Variants in HYDIN observed in about 807,000 individuals in gnomAD.
HYDIN encodes the protein HYDIN axonemal central pair apparatus protein.
A neutral mutation model predicts 403.9 loss-of-function variants in HYDIN; 132 were observed. The ratio of observed to expected loss-of-function variants is 0.33; its 90% CI spans 0.28 to 0.38. The LOEUF (loss-of-function observed/expected upper bound fraction) is 0.38. HYDIN is among the 10% of genes least tolerant of loss of function. HYDIN has a pLI of 1.00. For missense variants in HYDIN, 2,827 were observed against 5,009.5 expected (o/e 0.56, Z 13.15); for synonymous variants, 1,202 against 1,891.7 (o/e 0.64, Z 9.46).
chr16:70,957,238 G>T (rs1392611973), intron 39 of HYDIN, among the ~76,000 whole-genome samples: 1 of 151,316 alleles, frequency 6.6e-6, no homozygotes, highest in Non-Finnish European at 1.5e-5. Flanking sequence ...GAGTCATACA[G>T]TGTTTGTCCT....
intron 1 of HYDIN, among the ~76,000 whole-genome samples, chr16:71,218,303 C>G (rs776803293): frequency 3.3e-5 from 5 of 152,104 alleles, no homozygotes; most frequent in Non-Finnish European, 5.9e-5. Context: ...CCATAAAACC[C>G]ATGTTTGGAA....
chr16:71,181,413 G>T (rs905729614), intron 3 of HYDIN, among the ~76,000 whole-genome samples: 2 of 151,918 alleles, frequency 1.3e-5, no homozygotes, highest in Non-Finnish European at 2.9e-5. Flanking sequence ...AGATTTATCA[G>T]AAAAATAAAT....
At chr16:71,083,795 T>A (rs979749286) in intron 12 of HYDIN, among the ~76,000 whole-genome samples, 20 of 148,864 alleles carry the variant, frequency 1.3e-4, no homozygotes, top group Admixed American at 4.0e-4. Flanking sequence ...CACCCTTTTG[T>A]CCAGTGTATC....
At chr16:71,173,780 T>C (rs914636243) in intron 5 of HYDIN, among the ~76,000 whole-genome samples, 2 of 152,210 alleles carry the variant, frequency 1.3e-5, no homozygotes, top group African/African-American at 2.4e-5. Context: ...CATGCCAATA[T>C]AGAACATTCC....
chr16:70,994,077 G>C (rs887211816), intron 23 of HYDIN, among the ~76,000 whole-genome samples: 5 of 152,154 alleles, frequency 3.3e-5, no homozygotes, highest in Non-Finnish European at 7.3e-5. Context: ...CCTGGTGAAG[G>C]CTCTGAGCTG....
rs143443311 is a variant in HYDIN at position 70,944,733 on chromosome 16, A to T, written c.6532-784T>A. Among the ~76,000 whole-genome samples, 840 of 152,120 alleles carry T rather than the reference A, an allele frequency of 5.5e-3. 3 individuals are homozygous for T. The highest frequency in any genetic ancestry group is 0.019 in the African/African-American group (797 of 41,506). Reference sequence around the variant, plus strand: ...AGTTGGTGTGTTTCAGCAGACAAATAATCTGATTTATATTTATATTTATTT... The same window carrying T: ...AGTTGGTGTGTTTCAGCAGACAAATTATCTGATTTATATTTATATTTATTT... On this transcript the variant is annotated intron_variant, in intron 41 of 85. Coordinates refer to ENST00000393567, the MANE Select transcript of HYDIN (RefSeq NM_001270974.2).
rs2041353149 is a variant in HYDIN, at chr16:70,889,577, G to A, written c.9774+10C>T. 5.6e-6 allele frequency: 3 copies of A among 533,488 alleles called. No homozygotes were observed. Among genetic ancestry groups the A allele is most frequent in the Non-Finnish European group, 9.5e-6 (3 of 314,486 alleles). The allele number at this position is 533,488 out of a possible 1,614,324, so 33.0% of individuals were successfully genotyped here. On this transcript the variant is annotated intron_variant, in intron 58 of 85. Transcript: ENST00000393567. ...TGGGTATCTGTAAGAACAGGGAAAA[G>A]GACACGCACCTGGCCTGTGGTGGTT...
intron 5 of HYDIN, among the ~76,000 whole-genome samples, chr16:71,163,700 G>C (rs1037074066): frequency 1.3e-5 from 2 of 152,214 alleles, no homozygotes; most frequent in Non-Finnish European, 2.9e-5. Flanking sequence ...CCAGCCTAGA[G>C]CCAGCTGATC....
At position 70,868,644 on chromosome 16, in the gene HYDIN, C is replaced by T. The variant is rs770512978; in HGVS notation, c.11236G>A (p.Asp3746Asn). 8.1e-6 allele frequency: 13 copies of T among 1,614,078 alleles called. No homozygotes were observed. The South Asian group carries it at 1.3e-4, about 16-fold the overall frequency. Residue 3746 changes from aspartate (D) to asparagine (N), a missense_variant, in exon 66 of 86, where the codon GAT becomes AAT. By Grantham distance (23) the Asp-to-Asn change is conservative (BLOSUM62 1). Transcript: ENST00000393567. ...CACTTGACTGTGTGCATGCGGTCAT[C>T]CCAGTCGGGGACCTGGTCTGCAGGG... is the stretch of plus-strand genomic sequence containing the variant. ...QLPADQVPDW[D>N]DRMHTVKWVD...
At chr16:71,181,007 A>G (rs1002058476) in intron 3 of HYDIN, among the ~76,000 whole-genome samples, 4 of 152,178 alleles carry the variant, frequency 2.6e-5, no homozygotes, top group African/African-American at 9.6e-5. Flanking sequence ...AACAAATCCA[A>G]TGAAAGATGT....
At chr16:70,821,682 TTTC>T (rs2036272118) in intron 83 of HYDIN, among the ~76,000 whole-genome samples, 1 of 152,034 alleles carries the variant, frequency 6.6e-6, no homozygotes, top group African/African-American at 2.4e-5. Flanking sequence ...CAGGCATAGT[TTTC>T]TTTGTATTTC....
intron 47 of HYDIN, among the ~76,000 whole-genome samples, chr16:70,909,764 C>A (rs756249982): frequency 2.8e-5 from 4 of 143,074 alleles, no homozygotes; most frequent in Non-Finnish European, 4.5e-5. Context: ...GGTGCCATCT[C>A]AGCTCACTGC....
At chr16:70,967,117 C>T (rs1224638371) in intron 36 of HYDIN, among the ~76,000 whole-genome samples, 9 of 152,010 alleles carry the variant, frequency 5.9e-5, no homozygotes, top group Admixed American at 4.6e-4. Context: ...TTTCAAAGAG[C>T]ACGGCACTAA....
intron 5 of HYDIN, among the ~76,000 whole-genome samples, chr16:71,172,563 T>C (rs1289024892): frequency 6.6e-6 from 1 of 152,210 alleles, no homozygotes; most frequent in Non-Finnish European, 1.5e-5. Flanking sequence ...AAAGCCAAAG[T>C]AAATTTGCTG....
intron 13 of HYDIN, among the ~76,000 whole-genome samples, chr16:71,073,223 G>A (rs1411060846): frequency 1.3e-5 from 2 of 152,076 alleles, no homozygotes; most frequent in Admixed American, 6.6e-5. Flanking sequence ...ACTCTCCCTT[G>A]CGTACTTTTG....
chr16:70,834,981 TATATATATATACACAC>T (rs1399296368), intron 78 of HYDIN, among the ~76,000 whole-genome samples: 3 of 121,782 alleles, frequency 2.5e-5, no homozygotes, highest in African/African-American at 5.9e-5. Context: ...TGTGTGTATA[TATATATATATACACAC>T]ATATATATAT....
chr16:71,137,851 A>T (rs1379018243), intron 7 of HYDIN, among the ~76,000 whole-genome samples: 1 of 151,992 alleles, frequency 6.6e-6, no homozygotes, highest in African/African-American at 2.4e-5. Flanking sequence ...TAGAAAACTG[A>T]CTACTTAAAA....
chr16:71,174,819 G>A (rs561545772), intron 5 of HYDIN, among the ~76,000 whole-genome samples: 1 of 152,282 alleles, frequency 6.6e-6, no homozygotes, highest in East Asian at 1.9e-4. Context: ...GCTGATGGGG[G>A]TGAGCAGGCC....
intron 23 of HYDIN, among the ~76,000 whole-genome samples, chr16:71,006,712 C>T (rs1013855932): frequency 2.6e-5 from 4 of 151,728 alleles, no homozygotes; most frequent in African/African-American, 9.7e-5. Flanking sequence ...CTTCCCTCCA[C>T]CCTGCACTCA....
Sources: allele counts gnomAD v4.1 joint callset (sites outside exome capture counted in the v4.1 genomes callset), GRCh38; gene constraint gnomAD v4.1.1; transcripts MANE v1.5; gene names NCBI Gene and HGNC (gene_info 2026-07-23, HGNC 2026-07-21).